The following GOLM2 variants were observed in gnomAD, a reference collection of about 807,000 sequenced individuals.
GOLM2 encodes the protein golgi membrane protein 2.
Under a neutral mutation model 55.9 loss-of-function variants are expected in GOLM2, and 26 were observed. The ratio of observed to expected loss-of-function variants is 0.47; its 90% CI spans 0.34 to 0.65. The LOEUF (loss-of-function observed/expected upper bound fraction) is 0.65, where lower values mean the gene tolerates loss of function less well. Among genes scored for constraint, GOLM2 ranks in the 30% least tolerant of loss-of-function variants. The probability of loss-of-function intolerance (pLI) is 0.01; values close to 1 mark genes in which losing one functional copy is unlikely to be tolerated. For missense variants in GOLM2, 486 were observed against 531.8 expected, an observed-to-expected ratio of 0.91 and a Z score of 0.85; for synonymous variants, 165 against 194.6, an observed-to-expected ratio of 0.85 and a Z score of 1.27.
chr15:44,387,183 G>GAAAAAAA (rs766969483), intron 8 of GOLM2: 1 of 88,822 alleles, frequency 1.1e-5, no homozygotes, highest in Non-Finnish European at 2.4e-5. Flanking sequence ...ACCTTGTCTG[G>GAAAAAAA]AAAAAAAAAA....
chr15:44,379,476 C>T (rs933875513), intron 6 of GOLM2, among the ~76,000 whole-genome samples: 2 of 151,226 alleles, frequency 1.3e-5, no homozygotes, highest in African/African-American at 4.9e-5. Context: ...AGACTCTGTC[C>T]CCCCACCAAA....
intron 6 of GOLM2, among the ~76,000 whole-genome samples, chr15:44,374,734 C>CT (rs979238112): frequency 1.3e-5 from 2 of 152,144 alleles, no homozygotes; most frequent in Non-Finnish European, 2.9e-5. Flanking sequence ...TGTGAGAACT[C>CT]TATCACGAGA....
intron 6 of GOLM2, among the ~76,000 whole-genome samples, chr15:44,346,960 T>G (rs2079129089): frequency 6.6e-6 from 1 of 151,462 alleles, no homozygotes; most frequent in African/African-American, 2.4e-5. Context: ...ACCTCATATC[T>G]TAGGAAAAAA....
At chr15:44,381,098 G>T in intron 8 of GOLM2, 122 bp downstream of exon 8, 1 of 542,196 alleles carries the variant, frequency 1.8e-6, no homozygotes, top group Non-Finnish European at 2.9e-6. Context: ...TAAAGAGAAG[G>T]TATGAAAGTG....
At chr15:44,350,279 G>A (rs1187061163) in intron 6 of GOLM2, among the ~76,000 whole-genome samples, 1 of 152,060 alleles carries the variant, frequency 6.6e-6, no homozygotes, top group Non-Finnish European at 1.5e-5. Flanking sequence ...AGTCAGAAAT[G>A]AAAAAGGAGA....
chr15:44,346,217 T>A (rs2079123548), intron 6 of GOLM2: 1 of 152,092 alleles, frequency 6.6e-6, no homozygotes, highest in African/African-American at 2.4e-5. Context: ...TTTTAGTTTT[T>A]AAATATTAGG....
chr15:44,375,837 A>T (rs2079360938), intron 6 of GOLM2, among the ~76,000 whole-genome samples: 1 of 152,242 alleles, frequency 6.6e-6, no homozygotes, highest in Admixed American at 6.5e-5. Flanking sequence ...ATTAAAAACC[A>T]TGGAAATCTT....
intron 6 of GOLM2, among the ~76,000 whole-genome samples, chr15:44,373,716 T>C (rs2079345613): frequency 1.3e-5 from 2 of 152,186 alleles, no homozygotes; most frequent in South Asian, 4.1e-4. Context: ...ATCGTGCCAC[T>C]GCACTCCAAC....
chr15:44,334,426 C>G (rs949984635), intron 4 of GOLM2, among the ~76,000 whole-genome samples: 1 of 151,894 alleles, frequency 6.6e-6, no homozygotes, highest in South Asian at 2.1e-4. Context: ...ATTAATTAAC[C>G]AGCCACATGT....
intron 7 of GOLM2, among the ~76,000 whole-genome samples, chr15:44,380,598 A>T (rs568467478): frequency 6.6e-6 from 1 of 152,048 alleles, no homozygotes; most frequent in East Asian, 1.9e-4. Context: ...GGGAATGATC[A>T]GTAAACTTCC....
At chr15:44,402,808 C>T (rs949559386) in intron 8 of GOLM2, 79 bp from the exon 9 acceptor site, 2 of 1,445,444 alleles carry the variant, frequency 1.4e-6, no homozygotes, top group African/African-American at 2.8e-5. Flanking sequence ...CACTTGTTTA[C>T]TTTCTGGTCT....
intron 1 of GOLM2, 127 bp from the exon 2 acceptor site, chr15:44,322,838 G>T (rs2078959737): frequency 5.3e-6 from 3 of 569,154 alleles, no homozygotes; most frequent in Admixed American, 7.6e-5. Flanking sequence ...TTGGAAAGAG[G>T]TAGAGTATAA....
At chr15:44,373,627 G>C (rs543912921) in intron 6 of GOLM2, among the ~76,000 whole-genome samples, 22 of 151,056 alleles carry the variant, frequency 1.5e-4, no homozygotes, top group Non-Finnish European at 3.1e-4. Context: ...GGTGGCGGGC[G>C]CCTGTAATTC....
intron 9 of GOLM2, among the ~76,000 whole-genome samples, chr15:44,404,995 G>A (rs995443752): frequency 1.3e-5 from 2 of 152,052 alleles, no homozygotes; most frequent in Admixed American, 6.6e-5. Context: ...CTCAATCTTT[G>A]TTGTCAATCA....
chr15:44,297,778 G>A (rs545462162), intron 1 of GOLM2, among the ~76,000 whole-genome samples: 2 of 150,178 alleles, frequency 1.3e-5, no homozygotes, highest in Admixed American at 1.3e-4. Context: ...TAGTCAGGAT[G>A]GTCTCCATCT....
At chr15:44,374,657 C>T (rs188242576) in intron 6 of GOLM2, among the ~76,000 whole-genome samples, 1 of 152,286 alleles carries the variant, frequency 6.6e-6, no homozygotes. Flanking sequence ...AGCACATCTT[C>T]ACATGGCCGG....
At chr15:44,376,457 A>G (rs1013471707) in intron 6 of GOLM2, among the ~76,000 whole-genome samples, 3 of 152,090 alleles carry the variant, frequency 2.0e-5, no homozygotes, top group African/African-American at 7.2e-5. Flanking sequence ...GTAGAGACAG[A>G]GTCTTGCTAG....
chr15:44,328,815 A>T (rs1294523503), intron 3 of GOLM2, 28 bp downstream of exon 3: 1 of 1,414,230 alleles, frequency 7.1e-7, no homozygotes, highest in Non-Finnish European at 9.7e-7. Flanking sequence ...ACATATGTTT[A>T]TGAATCTAAA....
At chr15:44,309,150 G>A (rs1269058108) in intron 1 of GOLM2, among the ~76,000 whole-genome samples, 1 of 152,190 alleles carries the variant, frequency 6.6e-6, no homozygotes, top group African/African-American at 2.4e-5. Flanking sequence ...AAATGTTGGT[G>A]AGGATGTGGA....
Sources: gnomAD v4.1 joint callset for allele counts (sites outside exome capture counted in the v4.1 genomes callset) on GRCh38, gnomAD v4.1.1 for gene constraint, MANE v1.5 for transcripts, NCBI Gene and HGNC (gene_info 2026-07-23, HGNC 2026-07-21) for gene names.